C3orf70: variants seen among roughly 807,000 people sequenced by gnomAD.
C3orf70 encodes the protein chromosome 3 open reading frame 70, also known as UPF0524 protein C3orf70.
In C3orf70, 15 loss-of-function variants were observed where a neutral mutation model predicts 20.7. The ratio of observed to expected loss-of-function variants is 0.72; its 90% confidence interval spans 0.48 to 1.11. C3orf70 has a LOEUF of 1.11. Ranked by LOEUF, C3orf70 falls within the 50% of genes most tolerant of loss-of-function variation. The pLI is 0.00. For synonymous variants in C3orf70, 161 were observed against 125.7 expected, an observed-to-expected ratio of 1.28 and a Z score of -1.88; for missense variants, 332 against 317.6, an observed-to-expected ratio of 1.05 and a Z score of -0.34.
intron 1 of C3orf70, among the ~76,000 whole-genome samples, chr3:185,089,634 C>T (rs1715524620): frequency 6.6e-6 from 1 of 152,146 alleles, no homozygotes; most frequent in Non-Finnish European, 1.5e-5. Flanking sequence ...TTATAGTATC[C>T]AGTACCCATT....
chr3:185,103,784 G>A (rs1389714591), intron 1 of C3orf70, among the ~76,000 whole-genome samples: 1 of 152,202 alleles, frequency 6.6e-6, no homozygotes, highest in Non-Finnish European at 1.5e-5. Flanking sequence ...GGCTGCACCT[G>A]CAGAGATAAG....
At chr3:185,146,101 C>G (rs1716869583) in intron 1 of C3orf70, among the ~76,000 whole-genome samples, 1 of 152,010 alleles carries the variant, frequency 6.6e-6, no homozygotes, top group Non-Finnish European at 1.5e-5. Flanking sequence ...AAGAACCTAT[C>G]AGCTTTCTCT....
At chr3:185,131,117 C>T (rs960270641) in intron 1 of C3orf70, among the ~76,000 whole-genome samples, 1 of 152,212 alleles carries the variant, frequency 6.6e-6, no homozygotes, top group East Asian at 1.9e-4. Flanking sequence ...TCCTCACCAA[C>T]ACTTATCTTT....
intron 1 of C3orf70, among the ~76,000 whole-genome samples, chr3:185,133,300 T>C (rs1716558436): frequency 6.6e-6 from 1 of 152,356 alleles, no homozygotes; most frequent in African/African-American, 2.4e-5. Context: ...TATTATTTGG[T>C]CCAGCAATCC....
chr3:185,079,641 T>C lies in C3orf70; in HGVS notation c.*3366A>G, dbSNP rs900165576. 2 of 152,226 alleles carry C rather than the reference T, an allele frequency of 1.3e-5. No individual in the cohort carries two copies. The highest frequency in any genetic ancestry group is 4.8e-5 in the African/African-American group (2 of 41,458). The allele number at this position is 152,226 out of a possible 1,614,324, so 9.4% of individuals were successfully genotyped here. A position where few individuals can be genotyped will look rare whatever the true frequency, so the allele number is the denominator to read the frequency against. ...TTGAAACTTGAAACTTCTAAAATCT[T>C]GGTTAGAGAAGAAAACTAAATTCTA... On this transcript the variant is annotated 3_prime_UTR_variant, in exon 2 of 2. Transcript: ENST00000335012.
chr3:185,141,493 T>G (rs1169598290), intron 1 of C3orf70, among the ~76,000 whole-genome samples: 3 of 152,102 alleles, frequency 2.0e-5, no homozygotes, highest in Non-Finnish European at 4.4e-5. Flanking sequence ...TTATAATAAC[T>G]AAAAACTGAA....
chr3:185,146,216 A>G (rs1716871735), intron 1 of C3orf70, among the ~76,000 whole-genome samples: 1 of 151,380 alleles, frequency 6.6e-6, no homozygotes, highest in Non-Finnish European at 1.5e-5. Flanking sequence ...TTCACCTCAC[A>G]GCTCTCCTCT....
At chr3:185,088,141 C>G (rs1209141940) in intron 1 of C3orf70, among the ~76,000 whole-genome samples, 1 of 152,108 alleles carries the variant, frequency 6.6e-6, no homozygotes, top group African/African-American at 2.4e-5. Flanking sequence ...AAACTCCCGA[C>G]CTCAGGTGAT....
intron 1 of C3orf70, among the ~76,000 whole-genome samples, chr3:185,119,844 T>C (rs1378190748): frequency 1.3e-5 from 2 of 151,570 alleles, no homozygotes; most frequent in African/African-American, 4.9e-5. Context: ...GCCAACATAG[T>C]GAAACCCCAT....
At chr3:185,142,404 G>C (rs1189788294) in intron 1 of C3orf70, among the ~76,000 whole-genome samples, 1 of 152,172 alleles carries the variant, frequency 6.6e-6, no homozygotes, top group Non-Finnish European at 1.5e-5. Flanking sequence ...CTGCACTCCA[G>C]CCTGGGTGAC....
At chr3:185,093,948 A>C (rs1478202625) in intron 1 of C3orf70, among the ~76,000 whole-genome samples, 1 of 152,052 alleles carries the variant, frequency 6.6e-6, no homozygotes, top group African/African-American at 2.4e-5. Context: ...CCAGATACTC[A>C]AGTCTCATAT....
At chr3:185,084,430 C>T (rs1161368991) in intron 1 of C3orf70, among the ~76,000 whole-genome samples, 1 of 151,916 alleles carries the variant, frequency 6.6e-6, no homozygotes, top group Non-Finnish European at 1.5e-5. Context: ...CCCTCAATGA[C>T]TGGGGTAAAG....
intron 1 of C3orf70, among the ~76,000 whole-genome samples, chr3:185,145,869 T>C (rs1212658381): frequency 2.0e-5 from 3 of 152,264 alleles, no homozygotes; most frequent in Non-Finnish European, 4.4e-5. Context: ...TTATTTGTTA[T>C]TGTTGAAGTT....
At chr3:185,094,202 T>C (rs773704061) in intron 1 of C3orf70, among the ~76,000 whole-genome samples, 50 of 147,768 alleles carry the variant, frequency 3.4e-4, no homozygotes, top group Admixed American at 2.5e-3. Flanking sequence ...TTCAGCCTCC[T>C]GAGTAGCTGG....
At chr3:185,136,909 AAACAACAACAACAACAACAAC>A (rs146226983) in intron 1 of C3orf70, among the ~76,000 whole-genome samples, 8 of 149,780 alleles carry the variant, frequency 5.3e-5, no homozygotes, top group South Asian at 2.1e-4. Context: ...GACTGTCTCA[AAACAACAACAACAACAACAAC>A]AACAACAACA....
At chr3:185,110,494 G>A (rs1716048800) in intron 1 of C3orf70, among the ~76,000 whole-genome samples, 1 of 152,192 alleles carries the variant, frequency 6.6e-6, no homozygotes, top group Non-Finnish European at 1.5e-5. Context: ...TGACAAAGCT[G>A]CCCTTGCTTT....
At chr3:185,106,129 G>C (rs574582231) in intron 1 of C3orf70, among the ~76,000 whole-genome samples, 1 of 152,140 alleles carries the variant, frequency 6.6e-6, no homozygotes, top group Non-Finnish European at 1.5e-5. Context: ...GCAGCGCCTC[G>C]AGCAACCGCT....
intron 1 of C3orf70, among the ~76,000 whole-genome samples, chr3:185,101,268 T>C (rs1185409284): frequency 1.3e-5 from 2 of 152,136 alleles, no homozygotes; most frequent in East Asian, 3.9e-4. Flanking sequence ...TGAACATCAA[T>C]GCAAAAATCC....
chr3:185,094,151 C>T (rs1422460400), intron 1 of C3orf70, among the ~76,000 whole-genome samples: 16 of 129,542 alleles, frequency 1.2e-4, no homozygotes, highest in Non-Finnish European at 3.1e-5. Flanking sequence ...GATCTGGGCT[C>T]ACTGCAACCT....
Sources: gnomAD v4.1 joint callset for allele counts (sites outside exome capture counted in the v4.1 genomes callset) on GRCh38, gnomAD v4.1.1 for gene constraint, MANE v1.5 for transcripts, NCBI Gene and HGNC (gene_info 2026-07-23, HGNC 2026-07-21) for gene names.